The following LEMD2 variants were observed in gnomAD, a reference collection of about 807,000 sequenced individuals.
LEMD2 encodes LEM domain nuclear envelope protein 2.
Under a neutral mutation model 58.8 loss-of-function variants are expected in LEMD2, and 34 were observed. That is an observed-to-expected ratio of 0.58 (90% CI 0.44 to 0.77). The LOEUF is 0.77. Ranked by LOEUF, LEMD2 falls within the 30% of genes least tolerant of loss-of-function variation. LEMD2 has a pLI of 0.00. For synonymous variants in LEMD2, 298 were observed against 308.9 expected (o/e 0.96, Z 0.37); for missense variants, 629 against 717.9 (o/e 0.88, Z 1.42).
chr6:33,788,944 C>CCCCGCGGCCGGGCCTCCT lies in LEMD2; in HGVS notation c.155_172dup (p.Glu52_Arg57dup). On this transcript the variant is annotated inframe_insertion, in exon 1 of 9. Transcript: ENST00000293760. ...GGCCTCTTCCCGTAACCGCTCCTCG[C>CCCCGCGGCCGGGCCTCCT]CCCGCGGCCGGGCCTCCTCCCGCAG... 6.6e-7 allele frequency: 1 copy of CCCCGCGGCCGGGCCTCCT among 1,509,210 alleles called. No homozygotes were observed. The highest frequency in any genetic ancestry group is 8.8e-7 in the Non-Finnish European group (1 of 1,136,778). The allele number at this position is 1,509,210 out of a possible 1,614,324, so 93.5% of individuals were successfully genotyped here.
Position 33,777,171 on chromosome 6 carries a change from G to T in LEMD2, c.1225C>A (p.Gln409Lys). 10 of 1,614,180 alleles carry T rather than the reference G, an allele frequency of 6.2e-6. No individual in the cohort carries two copies. Among genetic ancestry groups the T allele is most frequent in the Non-Finnish European group, 8.5e-6 (10 of 1,180,020 alleles). Residue 409 changes from glutamine to lysine, a missense_variant, in exon 7 of 9, where the codon CAA becomes AAA. Physicochemically the swap from Gln to Lys is moderately conservative, Grantham distance 53 (BLOSUM62 1). Around this residue, in one of 2 missense-constraint regions of LEMD2, gnomAD observed 243 missense variants for 336.8 expected, o/e 0.72. Coordinates refer to ENST00000293760, the MANE Select transcript of LEMD2 (RefSeq NM_181336.4). The stretch of plus-strand genomic sequence containing the variant: ...TTCTTCACCATCTCATACATGGCTT[G>T]TTCCTCCTCTTCTAACTTTCGCCAC... ...YRWRKLEEEE[Q>K]AMYEMVKKII... is the part of the protein sequence containing the mutation.
At chr6:33,783,910 A>G (rs953805275) in intron 3 of LEMD2, among the ~76,000 whole-genome samples, 2 of 152,228 alleles carry the variant, frequency 1.3e-5, no homozygotes, top group East Asian at 1.9e-4. Context: ...CCCACTACAC[A>G]GACTATCTGC....
chr6:33,775,697 CG>C (rs1455759704), intron 8 of LEMD2, among the ~76,000 whole-genome samples: 1 of 152,152 alleles, frequency 6.6e-6, no homozygotes, highest in Non-Finnish European at 1.5e-5. Context: ...AGCCTGGTGG[CG>C]GGAGCACGGA....
chr6:33,788,282 A>T, intron 1 of LEMD2, 99 bp downstream of exon 1: 1 of 1,258,444 alleles, frequency 7.9e-7, no homozygotes, highest in Middle Eastern at 2.2e-4. Flanking sequence ...GGCAGCTGAC[A>T]AGGCCGGAAG....
intron 1 of LEMD2, among the ~76,000 whole-genome samples, 176 bp downstream of exon 1, chr6:33,788,205 C>T (rs1425949544): frequency 2.0e-5 from 3 of 152,264 alleles, no homozygotes; most frequent in Non-Finnish European, 4.4e-5. Flanking sequence ...ATTGCAGATG[C>T]AGGAGCCTTG....
rs745469019 is a variant in LEMD2, at chr6:33,789,074, C to T, written c.43G>A (p.Ala15Thr). 3.9e-6 allele frequency: 6 copies of T among 1,543,228 alleles called. No homozygotes were observed. The highest frequency in any genetic ancestry group is 1.2e-5 in the South Asian group (1 of 85,080). The part of the protein sequence containing the change: ...SDLELRRELQ[A>T]LGFQPGPITD... Reference sequence around the variant, plus strand: ...ATGGGTCCTGGCTGGAAGCCCAGGGCCTGCAGCTCCCGCCGCAGTTCCAGG... The same window carrying T: ...ATGGGTCCTGGCTGGAAGCCCAGGGTCTGCAGCTCCCGCCGCAGTTCCAGG... The change falls in exon 1 of 9, where the codon GCC becomes ACC. Residue 15 changes from alanine to threonine, a missense_variant. Ala to Thr is a moderately conservative substitution (Grantham distance 58, BLOSUM62 0). Around this residue, in one of 2 missense-constraint regions of LEMD2, gnomAD observed 386 missense variants for 381.1 expected, o/e 1.01. Transcript: ENST00000293760.
Position 33,782,561 on chromosome 6 carries a change from T to G in LEMD2, c.854-1408A>C, listed in dbSNP as rs569092476. ...ACATGTAACCAGTCTTACCTGGGCT[T>G]CAGGGCCTGGCACAGATGCTACCTC... On this transcript the variant is annotated intron_variant, in intron 3 of 8. Transcript: ENST00000293760. Among the ~76,000 whole-genome samples the G allele has an allele frequency of 2.6e-5, 4 of 152,380 alleles. No individual in the cohort carries two copies. In the South Asian group the frequency reaches 8.3e-4, roughly 32 times the overall value.
rs1257861380 is a variant in LEMD2 at position 33,786,735 on chromosome 6, T to G, written c.776A>C (p.Glu259Ala). 1 of 1,612,362 alleles carries G rather than the reference T, an allele frequency of 6.2e-7. No homozygotes were observed. Among genetic ancestry groups the G allele is most frequent in the Admixed American group, 1.7e-5 (1 of 59,978 alleles). ...LPVDCERKTD[E>A]FCQAKQKAAL... ...AAAACCAGAGAAACTCAAACTCACC[T>G]CATCTGTTTTTCTCTCACAGTCCAC... Residue 259 changes from glutamate to alanine, a missense_variant and splice_region_variant, in exon 2 of 9, where the codon GAG becomes GCG. By Grantham distance (107) the Glu-to-Ala change is moderately radical. Transcript: ENST00000293760.
chr6:33,789,017 T>C lies in LEMD2; in HGVS notation c.100A>G (p.Lys34Glu). Residue 34 changes from lysine to glutamate, a missense_variant, in exon 1 of 9, where the codon AAG becomes GAG. By Grantham distance (56) the Lys-to-Glu change is moderately conservative (BLOSUM62 1). This residue lies in a region of LEMD2 where 386 missense variants were observed against 381.1 expected (regional missense o/e 1.01). Coordinates refer to ENST00000293760, the MANE Select transcript of LEMD2 (RefSeq NM_181336.4). ...GCCTCGCCCCGCAGGCGGCGCAGCT[T>C]GTTGCGGTAGACATCCCGGGTGGTG... ...TDTTRDVYRNKLRRLRGEARL... is the reference protein window; with the variant it reads ...TDTTRDVYRNELRRLRGEARL... 6.4e-7 allele frequency: 1 copy of C among 1,554,976 alleles called. No homozygotes were observed.
At chr6:33,776,686 C>G in intron 8 of LEMD2, 1 of 482,858 alleles carries the variant, frequency 2.1e-6, no homozygotes, top group South Asian at 2.3e-5. Context: ...ACTTGGAGCC[C>G]AAGGCCTCCT....
At chr6:33,774,072 C>G (rs1767371745) in intron 8 of LEMD2, among the ~76,000 whole-genome samples, 1 of 152,080 alleles carries the variant, frequency 6.6e-6, no homozygotes, top group African/African-American at 2.4e-5. Flanking sequence ...GCAGTGCCGT[C>G]TCATGCTCTT....
Position 33,778,469 on chromosome 6 carries a change from C to T in LEMD2, c.1011-82G>A, listed in dbSNP as rs972873695. On this transcript the variant is annotated intron_variant, in intron 5 of 8. Transcript: ENST00000293760. The surrounding 1 kb of genome is among the most constrained non-coding windows in gnomAD (Gnocchi z 4.7). Reference sequence around the variant, plus strand: ...AAGCCCCACTTCAAACAGGAGGAAGCGAAGGAAAGTGGGGACGCAAGGCCT... The same window carrying T: ...AAGCCCCACTTCAAACAGGAGGAAGTGAAGGAAAGTGGGGACGCAAGGCCT... 1.9e-5 allele frequency: 23 copies of T among 1,221,300 alleles called. No individual in the cohort carries two copies. Among genetic ancestry groups the T allele is most frequent in the Non-Finnish European group, 2.3e-5 (21 of 914,016 alleles). 75.7% of individuals were successfully genotyped at this position (1,221,300 alleles called of 1,614,324 possible). A position where few individuals can be genotyped will look rare whatever the true frequency, so the allele number is the denominator to read the frequency against.
At chr6:33,783,751 T>C (rs1582260845) in intron 3 of LEMD2, among the ~76,000 whole-genome samples, 1 of 152,238 alleles carries the variant, frequency 6.6e-6, no homozygotes, top group African/African-American at 2.4e-5. Context: ...TGCCCTCCTT[T>C]AGAGGACAGC....
chr6:33,777,308 T>C, intron 6 of LEMD2, 69 bp from the exon 7 acceptor site: 1 of 1,045,094 alleles, frequency 9.6e-7, no homozygotes, highest in Non-Finnish European at 1.5e-6. Context: ...ATGGACAAGA[T>C]GCTGTGATGG....
Position 33,781,332 on chromosome 6 carries a change from C to G in LEMD2, c.854-179G>C, listed in dbSNP as rs542043795. On this transcript the variant is annotated intron_variant, in intron 3 of 8. Coordinates refer to ENST00000293760, the MANE Select transcript of LEMD2 (RefSeq NM_181336.4). ...AGATCAAAAGCCACTTAGCTTGGAT[C>G]GATTCCAGATCATTAAAACCTGACC... 2.2e-5 allele frequency: 13 copies of G among 594,968 alleles called. No homozygotes were observed. In the Admixed American group the frequency reaches 3.0e-4, roughly 14 times the overall value. The allele number at this position is 594,968 out of a possible 1,614,324, so 36.9% of individuals were successfully genotyped here. A position where few individuals can be genotyped will look rare whatever the true frequency, so the allele number is the denominator to read the frequency against.
intron 5 of LEMD2, chr6:33,779,449 A>AC (rs34780261): frequency 6.6e-6 from 1 of 151,774 alleles, no homozygotes; most frequent in African/African-American, 2.4e-5. Flanking sequence ...CTGAACAGAG[A>AC]CCCCCACAAA....
chr6:33,780,523 A>G (rs1582257735), intron 4 of LEMD2, among the ~76,000 whole-genome samples: 2 of 152,288 alleles, frequency 1.3e-5, no homozygotes, highest in African/African-American at 4.8e-5. Flanking sequence ...GGGGTGGGTG[A>G]GCCCAGTGGC....
rs1767286506 is a variant in LEMD2 at position 33,771,398 on chromosome 6, TGAG to T, written c.*1227_*1229del. The T allele has an allele frequency of 6.6e-6, 1 of 152,172 alleles. No individual in the cohort carries two copies. Among genetic ancestry groups the T allele is most frequent in the South Asian group, 2.1e-4 (1 of 4,832 alleles). The allele number at this position is 152,172 out of a possible 1,614,324, so 9.4% of individuals were successfully genotyped here. On this transcript the variant is annotated 3_prime_UTR_variant, in exon 9 of 9. Coordinates refer to ENST00000293760, the MANE Select transcript of LEMD2 (RefSeq NM_181336.4). Reference sequence around the variant, plus strand: ...AGAGGAAATGAGAGTATTGCTCAAATGAGGGAGACTGGAGCTTTATTAAGGAAA... The same window carrying T: ...AGAGGAAATGAGAGTATTGCTCAAATGGAGACTGGAGCTTTATTAAGGAAA...
At chr6:33,784,674 G>A in intron 2 of LEMD2, 1 of 427,580 alleles carries the variant, frequency 2.3e-6, no homozygotes, top group East Asian at 3.9e-5. Context: ...TGTAACCAAG[G>A]GGCTGCATCC....
Sources: gnomAD v4.1 joint callset for allele counts (sites outside exome capture counted in the v4.1 genomes callset) on GRCh38, gnomAD v4.1.1 for gene constraint, gnomAD v4.1.1 regional missense constraint, Gnocchi (gnomAD v3.1) non-coding constraint, MANE v1.5 for transcripts, NCBI Gene and HGNC (gene_info 2026-07-23, HGNC 2026-07-21) for gene names.